The following VWA8 variants were observed in gnomAD, a reference collection of about 807,000 sequenced individuals.
VWA8 encodes the protein von Willebrand factor A domain-containing protein 8.
A neutral mutation model predicts 241.5 loss-of-function variants in VWA8; 221 were observed. That is an observed-to-expected ratio of 0.91 (90% confidence interval 0.82 to 1.02). The LOEUF (loss-of-function observed/expected upper bound fraction) is 1.02. Among genes scored for constraint, VWA8 ranks in the 50% least tolerant of loss-of-function variants. The pLI is 0.00. For missense variants in VWA8, 2,322 were observed against 2,328.7 expected, an observed-to-expected ratio of 1.00 and a Z score of 0.06; for synonymous variants, 852 against 827.1, an observed-to-expected ratio of 1.03 and a Z score of -0.52.
At chr13:41,615,386 G>A (rs1320166922) in intron 37 of VWA8, among the ~76,000 whole-genome samples, 1 of 152,178 alleles carries the variant, frequency 6.6e-6, no homozygotes, top group Non-Finnish European at 1.5e-5. Flanking sequence ...CACATGGCAT[G>A]AGACTTACCA....
chr13:41,817,204 C>T (rs1870733483), intron 15 of VWA8, among the ~76,000 whole-genome samples: 1 of 152,154 alleles, frequency 6.6e-6, no homozygotes, highest in Non-Finnish European at 1.5e-5. Context: ...AGCAATCTTA[C>T]ATACATATCT....
chr13:41,839,966 T>C (rs2138013913), intron 12 of VWA8, among the ~76,000 whole-genome samples: 1 of 152,314 alleles, frequency 6.6e-6, no homozygotes, highest in Non-Finnish European at 1.5e-5. Context: ...TTGGGCAGTA[T>C]GGCCATTTTC....
chr13:41,906,496 A>T (rs2138106495), intron 4 of VWA8, among the ~76,000 whole-genome samples: 1 of 152,298 alleles, frequency 6.6e-6, no homozygotes, highest in Non-Finnish European at 1.5e-5. Context: ...CACTTAATTT[A>T]TCCTGCACAT....
intron 17 of VWA8, among the ~76,000 whole-genome samples, chr13:41,809,363 T>C (rs1180784140): frequency 1.3e-5 from 2 of 152,086 alleles, no homozygotes; most frequent in African/African-American, 4.8e-5. Flanking sequence ...AATTATACTA[T>C]AGAGCTATGT....
At chr13:41,810,580 T>C (rs184257466) in intron 17 of VWA8, among the ~76,000 whole-genome samples, 85 of 152,008 alleles carry the variant, frequency 5.6e-4, no homozygotes, top group African/African-American at 2.0e-3. Flanking sequence ...ATTAAAACAA[T>C]AGAATTCACA....
chr13:41,673,213 A>G (rs2045037411), intron 36 of VWA8, among the ~76,000 whole-genome samples: 1 of 152,232 alleles, frequency 6.6e-6, no homozygotes, highest in South Asian at 2.1e-4. Context: ...ACAAATGCAG[A>G]TAATATAAAA....
In VWA8 at chr13:41,846,554, A is replaced by AT. The variant is rs1169789316; in HGVS notation, c.1426-13024_1426-13023insA. Among the ~76,000 whole-genome samples, 3 of 152,326 alleles carry AT rather than the reference A, an allele frequency of 2.0e-5. No individual in the cohort carries two copies. In the East Asian group the frequency reaches 5.8e-4, roughly 29 times the overall value. ...GAATCAAGTGAAGAAACAAACTATA[A>AT]ATATGTTCAAATTTTAATATAACAA... On this transcript the variant is annotated intron_variant, in intron 12 of 44. Transcript: ENST00000379310.
At chr13:41,721,922 C>T (rs929902417) in intron 24 of VWA8, among the ~76,000 whole-genome samples, 7 of 151,970 alleles carry the variant, frequency 4.6e-5, no homozygotes, top group African/African-American at 1.4e-4. Flanking sequence ...TAATGTTTAG[C>T]GCATTTATTT....
At chr13:41,943,082 A>G (rs2138154657) in intron 2 of VWA8, among the ~76,000 whole-genome samples, 1 of 152,368 alleles carries the variant, frequency 6.6e-6, no homozygotes, top group Non-Finnish European at 1.5e-5. Context: ...TTAGAAGAGG[A>G]ACTAAAATAA....
At chr13:41,794,126 T>C in intron 17 of VWA8, among the ~76,000 whole-genome samples, 1 of 152,128 alleles carries the variant, frequency 6.6e-6, no homozygotes, top group Non-Finnish European at 1.5e-5. Context: ...ACAGGCTCTT[T>C]TTTAGTTTTT....
chr13:41,624,600 A>C (rs1005990479), intron 37 of VWA8, among the ~76,000 whole-genome samples: 1 of 152,244 alleles, frequency 6.6e-6, no homozygotes, highest in Non-Finnish European at 1.5e-5. Flanking sequence ...TAGATGCAGG[A>C]AAGGCCTTCA....
intron 26 of VWA8, among the ~76,000 whole-genome samples, chr13:41,710,705 T>C (rs2045310853): frequency 6.6e-6 from 1 of 152,220 alleles, no homozygotes. Context: ...AAGAAAATTA[T>C]GACATATAAT....
At chr13:41,695,588 G>A (rs929039668) in intron 29 of VWA8, among the ~76,000 whole-genome samples, 2 of 152,140 alleles carry the variant, frequency 1.3e-5, no homozygotes, top group Non-Finnish European at 1.5e-5. Context: ...CATCTTGACA[G>A]AGGTATATTG....
chr13:41,668,960 A>G (rs767831152), intron 37 of VWA8, among the ~76,000 whole-genome samples: 16 of 152,242 alleles, frequency 1.1e-4, no homozygotes, highest in Non-Finnish European at 2.2e-4. Context: ...TTTCTGTAAT[A>G]GCTGAGCTTT....
intron 4 of VWA8, among the ~76,000 whole-genome samples, chr13:41,907,014 G>T (rs1875751250): frequency 6.6e-6 from 1 of 151,502 alleles, no homozygotes; most frequent in Admixed American, 6.6e-5. Flanking sequence ...TTATTTATAG[G>T]CTCTATCCTT....
intron 17 of VWA8, among the ~76,000 whole-genome samples, chr13:41,799,319 C>A (rs1869843338): frequency 6.6e-6 from 1 of 152,172 alleles, no homozygotes; most frequent in Non-Finnish European, 1.5e-5. Context: ...CTCCAAGTAA[C>A]TAAATGATCC....
chr13:41,790,314 CAG>C (rs992167593), intron 17 of VWA8, among the ~76,000 whole-genome samples: 8 of 152,082 alleles, frequency 5.3e-5, no homozygotes, highest in African/African-American at 1.9e-4. Context: ...TTAGTTCGAT[CAG>C]ACTTGTGATT....
intron 24 of VWA8, among the ~76,000 whole-genome samples, chr13:41,722,471 T>A (rs567537558): frequency 6.6e-6 from 1 of 152,310 alleles, no homozygotes; most frequent in Non-Finnish European, 1.5e-5. Flanking sequence ...TTTGAACAGT[T>A]ATTTTGTATG....
intron 17 of VWA8, among the ~76,000 whole-genome samples, chr13:41,810,080 T>C (rs1472154868): frequency 1.3e-5 from 2 of 151,978 alleles, no homozygotes; most frequent in Non-Finnish European, 2.9e-5. Context: ...ATGGCTTTTA[T>C]CCAAAAGATA....
Sources: allele counts gnomAD v4.1 joint callset (sites outside exome capture counted in the v4.1 genomes callset), GRCh38; gene constraint gnomAD v4.1.1; transcripts MANE v1.5; gene names NCBI Gene and HGNC (gene_info 2026-07-23, HGNC 2026-07-21).